Variants in CREB3L2 observed in about 807,000 individuals in gnomAD.
CREB3L2 encodes cAMP responsive element binding protein 3 like 2.
Under a neutral mutation model 57.2 loss-of-function variants are expected in CREB3L2, and 23 were observed. That is an observed-to-expected ratio of 0.40 (90% CI 0.29 to 0.57). The LOEUF (loss-of-function observed/expected upper bound fraction) is 0.57, where lower values mean the gene tolerates loss of function less well. CREB3L2 is among the 20% of genes least tolerant of loss of function. The pLI is 0.42. For missense variants in CREB3L2, 628 were observed against 634.7 expected (o/e 0.99, Z 0.11); for synonymous variants, 268 against 265.1 (o/e 1.01, Z -0.11).
intron 1 of CREB3L2, among the ~76,000 whole-genome samples, chr7:137,961,962 G>A (rs1801330507): frequency 6.6e-6 from 1 of 151,934 alleles, no homozygotes; most frequent in Admixed American, 6.6e-5. Context: ...AACTCACACT[G>A]CTCCCCTGTG....
intron 4 of CREB3L2, 106 bp downstream of exon 4, chr7:137,912,885 C>T: frequency 1.3e-6 from 2 of 1,556,524 alleles, no homozygotes; most frequent in Non-Finnish European, 1.7e-6. Context: ...AAGCCAGCTA[C>T]AACATCTGTG....
intron 8 of CREB3L2, among the ~76,000 whole-genome samples, chr7:137,900,328 A>G (rs1479047802): frequency 6.6e-6 from 1 of 152,234 alleles, no homozygotes; most frequent in Non-Finnish European, 1.5e-5. Flanking sequence ...AGTGAGGATG[A>G]TAATAATGGC....
intron 1 of CREB3L2, among the ~76,000 whole-genome samples, chr7:137,940,576 C>G (rs1457415991): frequency 6.6e-6 from 1 of 152,144 alleles, no homozygotes; most frequent in Non-Finnish European, 1.5e-5. Context: ...GAAACGGTGA[C>G]CAGACATAAA....
chr7:137,944,622 C>A (rs192004170), intron 1 of CREB3L2, among the ~76,000 whole-genome samples: 3 of 152,128 alleles, frequency 2.0e-5, no homozygotes, highest in African/African-American at 4.8e-5. Context: ...TTAAAATAGC[C>A]CACATATGAG....
At chr7:137,992,380 C>T (rs979541645) in intron 1 of CREB3L2, among the ~76,000 whole-genome samples, 3 of 152,132 alleles carry the variant, frequency 2.0e-5, no homozygotes, top group Non-Finnish European at 2.9e-5. Context: ...GACCCATGAG[C>T]TCCTCTTGGG....
chr7:137,953,237 C>T (rs1801137595), intron 1 of CREB3L2: 1 of 337,574 alleles, frequency 3.0e-6, no homozygotes, highest in Admixed American at 4.0e-5. Flanking sequence ...CAGTTTGTTC[C>T]CTCTAAGTCA....
chr7:137,969,600 C>T (rs931127291), intron 1 of CREB3L2, among the ~76,000 whole-genome samples: 6 of 152,070 alleles, frequency 3.9e-5, no homozygotes, highest in South Asian at 2.1e-4. Context: ...ATCCACCTGC[C>T]TCAGCCTCCC....
chr7:137,890,146 G>C (rs560692740), intron 8 of CREB3L2, among the ~76,000 whole-genome samples: 7 of 152,034 alleles, frequency 4.6e-5, no homozygotes, highest in African/African-American at 1.7e-4. Flanking sequence ...AGCCATAGAC[G>C]GAAGAGCCAC....
At chr7:137,899,504 T>G (rs1161625430) in intron 8 of CREB3L2, among the ~76,000 whole-genome samples, 2 of 151,932 alleles carry the variant, frequency 1.3e-5, no homozygotes, top group Non-Finnish European at 2.9e-5. Flanking sequence ...CATGCATACA[T>G]ATGCTGGCTC....
intron 3 of CREB3L2, 33 bp downstream of exon 3, chr7:137,915,804 C>T: frequency 6.3e-7 from 1 of 1,584,180 alleles, no homozygotes; most frequent in Non-Finnish European, 8.6e-7. Flanking sequence ...TCTTTTAATC[C>T]AACCTGTTTA....
chr7:137,950,540 G>A (rs1466304085), intron 1 of CREB3L2, among the ~76,000 whole-genome samples: 1 of 152,186 alleles, frequency 6.6e-6, no homozygotes, highest in African/African-American at 2.4e-5. Flanking sequence ...CTACTCCGTA[G>A]TAGTGCTTTT....
intron 1 of CREB3L2, among the ~76,000 whole-genome samples, chr7:137,987,241 G>A (rs985255703): frequency 6.6e-6 from 1 of 152,162 alleles, no homozygotes; most frequent in South Asian, 2.1e-4. Context: ...TTCCTCACTA[G>A]ATCCCATCTC....
At chr7:137,919,412 C>A (rs1183049200) in intron 2 of CREB3L2, among the ~76,000 whole-genome samples, 1 of 151,900 alleles carries the variant, frequency 6.6e-6, no homozygotes, top group African/African-American at 2.4e-5. Flanking sequence ...CCTCAGGTGA[C>A]CCACCCGCCT....
intron 1 of CREB3L2, among the ~76,000 whole-genome samples, chr7:137,989,237 T>G (rs1029862784): frequency 6.6e-6 from 1 of 152,116 alleles, no homozygotes; most frequent in Non-Finnish European, 1.5e-5. Context: ...CCACATCCCA[T>G]GCACACAGGT....
At chr7:137,922,639 C>T (rs1414817594) in intron 2 of CREB3L2, 1 of 447,414 alleles carries the variant, frequency 2.2e-6, no homozygotes, top group South Asian at 1.6e-5. Flanking sequence ...GGGTTTTGAA[C>T]CATGCGGGTC....
chr7:137,921,936 ATTT>A (rs755563060), intron 2 of CREB3L2, among the ~76,000 whole-genome samples: 4 of 136,256 alleles, frequency 2.9e-5, no homozygotes, highest in Non-Finnish European at 3.2e-5. Context: ...TCACCCAGCT[ATTT>A]TTTTTTTTTT....
chr7:137,912,923 A>T (rs1346037079), intron 4 of CREB3L2, 68 bp downstream of exon 4: 2 of 1,598,468 alleles, frequency 1.3e-6, no homozygotes. Context: ...CTCTCTCGCC[A>T]TATTCCCTCT....
intron 1 of CREB3L2, among the ~76,000 whole-genome samples, chr7:137,995,333 CT>C (rs10676214): frequency 6.9e-5 from 6 of 87,438 alleles, no homozygotes; most frequent in African/African-American, 1.9e-4. Context: ...TCTTTTCTTT[CT>C]TTTTTTTTTT....
At chr7:137,995,339 T>TTC (rs1801972329) in intron 1 of CREB3L2, among the ~76,000 whole-genome samples, 1 of 123,222 alleles carries the variant, frequency 8.1e-6, no homozygotes, top group Non-Finnish European at 1.7e-5. Flanking sequence ...CTTTCTTTTT[T>TTC]TTTTTTTTTT....
Sources: allele counts gnomAD v4.1 joint callset (sites outside exome capture counted in the v4.1 genomes callset), GRCh38; gene constraint gnomAD v4.1.1; transcripts MANE v1.5; gene names NCBI Gene and HGNC (gene_info 2026-07-23, HGNC 2026-07-21).